The following KIAA1958 variants were observed in gnomAD, a reference collection of about 807,000 sequenced individuals.
KIAA1958 encodes uncharacterized protein KIAA1958.
A neutral mutation model predicts 47.2 loss-of-function variants in KIAA1958; 14 were observed. That is an observed-to-expected ratio of 0.30 (90% CI 0.20 to 0.46). KIAA1958 has a LOEUF of 0.46. Ranked by LOEUF, KIAA1958 falls within the 20% of genes least tolerant of loss-of-function variation. The pLI is 1.00. For missense variants in KIAA1958, 803 were observed against 909.2 expected (o/e 0.88, Z 1.50); for synonymous variants, 354 against 353.3 (o/e 1.00, Z -0.02).
At position 112,667,394 on chromosome 9, in the gene KIAA1958, T is replaced by C. The variant is rs1032988400; in HGVS notation, c.*7325T>C. On this transcript the variant is annotated 3_prime_UTR_variant, in exon 4 of 4. Transcript: ENST00000337530. ...GAGTTCAAGACCAGCCTGGCCAACA[T>C]GGTGAACCCCGTCTCTACTAAAAAT... 6.6e-6 allele frequency: 1 copy of C among 152,162 alleles called. No individual in the cohort carries two copies. Among genetic ancestry groups the C allele is most frequent in the Non-Finnish European group, 1.5e-5 (1 of 68,064 alleles). The allele number at this position is 152,162 out of a possible 1,614,324, so 9.4% of individuals were successfully genotyped here. A position where few individuals can be genotyped will look rare whatever the true frequency, so the allele number is the denominator to read the frequency against.
chr9:112,625,606 A>G (rs1370813624), intron 2 of KIAA1958, among the ~76,000 whole-genome samples: 1 of 152,200 alleles, frequency 6.6e-6, no homozygotes, highest in African/African-American at 2.4e-5. Flanking sequence ...GGTAGAGTTT[A>G]GAGAGGAAAA....
At chr9:112,559,244 TATTA>T (rs1260295488) in intron 1 of KIAA1958, among the ~76,000 whole-genome samples, 1 of 152,234 alleles carries the variant, frequency 6.6e-6, no homozygotes, top group East Asian at 1.9e-4. Flanking sequence ...TTAATTTGTA[TATTA>T]ATTGTCTGAT....
intron 2 of KIAA1958, among the ~76,000 whole-genome samples, chr9:112,630,546 C>A (rs1836692688): frequency 6.6e-6 from 1 of 152,124 alleles, no homozygotes; most frequent in Non-Finnish European, 1.5e-5. Flanking sequence ...CTAAAATTAA[C>A]TTATTTTTAA....
intron 1 of KIAA1958, among the ~76,000 whole-genome samples, chr9:112,521,270 G>A (rs1834538534): frequency 6.6e-6 from 1 of 152,074 alleles, no homozygotes; most frequent in Non-Finnish European, 1.5e-5. Context: ...GTGCAGTGGT[G>A]CAATCATAGC....
At chr9:112,499,775 G>A (rs1278916348) in intron 1 of KIAA1958, among the ~76,000 whole-genome samples, 7 of 143,450 alleles carry the variant, frequency 4.9e-5, no homozygotes, top group East Asian at 4.2e-4. Flanking sequence ...TGCAAGCTCC[G>A]CCTCCCAGGT....
chr9:112,658,094 TG>T (rs1837185179), intron 3 of KIAA1958, among the ~76,000 whole-genome samples: 1 of 152,172 alleles, frequency 6.6e-6, no homozygotes, highest in South Asian at 2.1e-4. Context: ...TGACTTCAGG[TG>T]ATCTGCCCAC....
rs979182240 is a variant in KIAA1958, at chr9:112,575,200, C to T, written c.1120C>T (p.Pro374Ser). Residue 374 changes from proline to serine, a missense_variant, in exon 2 of 4, where the codon CCC becomes TCC. Pro to Ser is a moderately conservative substitution (Grantham distance 74, BLOSUM62 -1). Transcript: ENST00000337530. ...EPEVSSSQQQ[P>S]PVAPAITTEA... Reference sequence around the variant, plus strand: ...AGAAGTGAGCTCCAGTCAGCAGCAGCCCCCAGTCGCTCCAGCCATAACCAC... The same window carrying T: ...AGAAGTGAGCTCCAGTCAGCAGCAGTCCCCAGTCGCTCCAGCCATAACCAC... The T allele has an allele frequency of 2.5e-6, 4 of 1,581,830 alleles. No individual in the cohort carries two copies. The highest frequency in any genetic ancestry group is 2.7e-5 in the African/African-American group (2 of 74,906).
At chr9:112,630,459 A>G (rs1836690851) in intron 2 of KIAA1958, among the ~76,000 whole-genome samples, 1 of 152,228 alleles carries the variant, frequency 6.6e-6, no homozygotes, top group African/African-American at 2.4e-5. Flanking sequence ...CAGCCTGGAC[A>G]ACAAAGGGAG....
intron 2 of KIAA1958, chr9:112,617,830 A>G: frequency 6.8e-7 from 1 of 1,473,232 alleles, no homozygotes; most frequent in Non-Finnish European, 9.2e-7. Flanking sequence ...GTCTGAACTC[A>G]TCAACACCCT....
At chr9:112,576,327 C>G (rs1161589050) in intron 2 of KIAA1958, among the ~76,000 whole-genome samples, 1 of 152,038 alleles carries the variant, frequency 6.6e-6, no homozygotes, top group Non-Finnish European at 1.5e-5. Context: ...AGTTTATTCA[C>G]TTTTATCTTT....
At position 112,659,469 on chromosome 9, in the gene KIAA1958, G is replaced by A; in HGVS notation, c.1551G>A (p.Leu517=). ...TKKLKEKLWV[L]SKAGMSGARS... is the part of the protein sequence containing the mutation. Reference sequence around the variant, plus strand: ...AACTCAAGGAGAAGCTGTGGGTGCTGAGTAAGGCAGGCATGTCGGGCGCGC... The same window carrying A: ...AACTCAAGGAGAAGCTGTGGGTGCTAAGTAAGGCAGGCATGTCGGGCGCGC... Residue 517 remains leucine (L), a synonymous_variant, in exon 4 of 4, where the codon CTG becomes CTA. Coordinates refer to ENST00000337530, the MANE Select transcript of KIAA1958 (RefSeq NM_133465.4). 1.2e-6 allele frequency: 2 copies of A among 1,613,942 alleles called. 1 individual carries two copies. The highest frequency in any genetic ancestry group is 2.2e-5 in the South Asian group (2 of 91,012).
rs1837228631 is a variant in KIAA1958, at chr9:112,659,671, C to G, written c.1753C>G (p.Leu585Val). 6.2e-7 allele frequency: 1 copy of G among 1,614,056 alleles called. No individual in the cohort carries two copies. The change falls in exon 4 of 4, where the codon CTG (leucine) becomes GTG (valine). Residue 585 changes from leucine to valine, a missense_variant. Physicochemically the swap from Leu to Val is conservative, Grantham distance 32. This residue lies in a region of KIAA1958 where 761 missense variants were observed against 829.3 expected (regional missense o/e 0.92). Coordinates refer to ENST00000337530, the MANE Select transcript of KIAA1958 (RefSeq NM_133465.4). ...HADLMYGDIE[L>V]LKDPQNQPYF... ...GGATCTGATGTATGGTGACATCGAGCTGCTCAAAGACCCCCAAAACCAGCC... is the reference window on the plus strand; with the variant it reads ...GGATCTGATGTATGGTGACATCGAGGTGCTCAAAGACCCCCAAAACCAGCC...
intron 3 of KIAA1958, among the ~76,000 whole-genome samples, chr9:112,657,768 T>C (rs1014067714): frequency 3.3e-5 from 5 of 152,180 alleles, no homozygotes; most frequent in Non-Finnish European, 5.9e-5. Flanking sequence ...AATAAAGCTT[T>C]CTTAATAACC....
chr9:112,659,920 TATG>T lies in KIAA1958; in HGVS notation c.2004_2006del (p.Tyr668_Glu669delinsTer). ...GGCCACAGACATGGGCAGCGTGTGGTATGAGGAGCAGAGGATGGGGCTGCGCTC... is the reference window on the plus strand; with the variant it reads ...GGCCACAGACATGGGCAGCGTGTGGTAGGAGCAGAGGATGGGGCTGCGCTC... On this transcript the variant is annotated stop_gained and inframe_deletion, in exon 4 of 4. Coordinates refer to ENST00000337530, the MANE Select transcript of KIAA1958 (RefSeq NM_133465.4). LOFTEE classifies it high-confidence loss of function. The T allele has an allele frequency of 2.5e-6, 4 of 1,614,122 alleles. No individual in the cohort carries two copies. Among genetic ancestry groups the T allele is most frequent in the Non-Finnish European group, 3.4e-6 (4 of 1,180,020 alleles).
intron 2 of KIAA1958, among the ~76,000 whole-genome samples, chr9:112,640,174 T>A (rs986821251): frequency 3.9e-5 from 6 of 152,204 alleles, no homozygotes; most frequent in African/African-American, 1.4e-4. Flanking sequence ...AAGAAAAGAT[T>A]TAAAGTTCTG....
intron 1 of KIAA1958, among the ~76,000 whole-genome samples, chr9:112,562,885 C>CA (rs1770180576): frequency 6.7e-6 from 1 of 150,364 alleles, no homozygotes; most frequent in Non-Finnish European, 1.5e-5. Context: ...AGGCTGTTCT[C>CA]AAACTCCTGG....
rs368787921 is a variant in KIAA1958 at position 112,662,096 on chromosome 9, C to G, written c.*2027C>G. Reference sequence around the variant, plus strand: ...CTTTTCAAAGGTAGCAATAACTACTCCAGAGGTTGTAATCTTTCTGTTGGT... The same window carrying G: ...CTTTTCAAAGGTAGCAATAACTACTGCAGAGGTTGTAATCTTTCTGTTGGT... On this transcript the variant is annotated 3_prime_UTR_variant, in exon 4 of 4. Transcript: ENST00000337530. The G allele has an allele frequency of 5.9e-5, 9 of 152,286 alleles. No individual in the cohort carries two copies. The highest frequency in any genetic ancestry group is 1.2e-4 in the African/African-American group (5 of 41,554). The allele number at this position is 152,286 out of a possible 1,614,324, so 9.4% of individuals were successfully genotyped here.
intron 1 of KIAA1958, among the ~76,000 whole-genome samples, chr9:112,497,807 C>G (rs746286495): frequency 5.3e-5 from 8 of 152,074 alleles, no homozygotes; most frequent in Non-Finnish European, 1.0e-4. Flanking sequence ...CCACTGCTCC[C>G]CCAACCATTT....
At chr9:112,536,443 A>G (rs895622954) in intron 1 of KIAA1958, among the ~76,000 whole-genome samples, 6 of 152,322 alleles carry the variant, frequency 3.9e-5, no homozygotes, top group East Asian at 1.9e-4. Flanking sequence ...CTTGCAGGCT[A>G]TAATTTGCTG....
Sources: gnomAD v4.1 joint callset for allele counts (sites outside exome capture counted in the v4.1 genomes callset) on GRCh38, gnomAD v4.1.1 for gene constraint, gnomAD v4.1.1 regional missense constraint, MANE v1.5 for transcripts, NCBI Gene and HGNC (gene_info 2026-07-23, HGNC 2026-07-21) for gene names.